Variants in PDE4D observed in about 807,000 individuals in gnomAD.
PDE4D encodes the protein phosphodiesterase 4D.
PDE4D carries 24 observed loss-of-function variants against 87.4 expected under a neutral mutation model. The ratio of observed to expected loss-of-function variants is 0.27; its 90% confidence interval spans 0.20 to 0.39. The LOEUF (loss-of-function observed/expected upper bound fraction) is 0.39, where lower values mean the gene tolerates loss of function less well. Ranked by LOEUF, PDE4D falls within the 10% of genes least tolerant of loss-of-function variation. The pLI, the probability that PDE4D is intolerant of heterozygous loss-of-function variation, is 1.00. For missense variants in PDE4D, 714 were observed against 1,041.0 expected (o/e 0.69, Z 4.32); for synonymous variants, 384 against 383.2 (o/e 1.00, Z -0.02).
intron 2 of PDE4D, among the ~76,000 whole-genome samples, chr5:60,015,824 T>G (rs181413530): frequency 2.6e-5 from 4 of 152,170 alleles, no homozygotes; most frequent in Non-Finnish European, 5.9e-5. Flanking sequence ...TCCTTGGGTC[T>G]TCAGTCTGCT....
chr5:59,351,225 C>T (rs1780485421), intron 1 of PDE4D, among the ~76,000 whole-genome samples: 1 of 152,068 alleles, frequency 6.6e-6, no homozygotes. Flanking sequence ...GGTTAGGAAA[C>T]CTGCCCAATC....
At chr5:59,791,576 T>C (rs769066837) in intron 1 of PDE4D, among the ~76,000 whole-genome samples, 1 of 152,232 alleles carries the variant, frequency 6.6e-6, no homozygotes, top group Non-Finnish European at 1.5e-5. Flanking sequence ...TATTTGACAT[T>C]ATTAACATGG....
At chr5:60,279,791 T>C (rs752346757) in intron 1 of PDE4D, among the ~76,000 whole-genome samples, 3 of 151,856 alleles carry the variant, frequency 2.0e-5, no homozygotes, top group Non-Finnish European at 4.4e-5. Context: ...TTCACATGGT[T>C]CTGCCTCAGC....
chr5:60,063,433 G>C (rs890491878), intron 2 of PDE4D, among the ~76,000 whole-genome samples: 1 of 152,096 alleles, frequency 6.6e-6, no homozygotes, highest in Admixed American at 6.6e-5. Context: ...AACCAGCTTT[G>C]CAAAGATTAT....
At chr5:59,623,312 A>T (rs1460871937) in intron 1 of PDE4D, among the ~76,000 whole-genome samples, 3 of 152,168 alleles carry the variant, frequency 2.0e-5, no homozygotes, top group African/African-American at 7.2e-5. Flanking sequence ...TGTGCTGTTC[A>T]ATATTAGACA....
At chr5:59,711,384 A>G (rs898509184) in intron 1 of PDE4D, among the ~76,000 whole-genome samples, 15 of 152,078 alleles carry the variant, frequency 9.9e-5, no homozygotes, top group South Asian at 2.1e-4. Flanking sequence ...AACAATGTAA[A>G]TTAGCTAAAA....
intron 5 of PDE4D, among the ~76,000 whole-genome samples, chr5:59,071,611 A>G (rs1764810706): frequency 6.7e-6 from 1 of 148,584 alleles, no homozygotes; most frequent in Admixed American, 6.7e-5. Context: ...TGAATACAAT[A>G]TCAAGTGTAT....
At chr5:59,997,942 A>G (rs1763661915) in intron 2 of PDE4D, among the ~76,000 whole-genome samples, 1 of 152,146 alleles carries the variant, frequency 6.6e-6, no homozygotes, top group Admixed American at 6.5e-5. Context: ...AACTGTACAG[A>G]GGTTAGTTTG....
chr5:59,224,113 C>A (rs1273855243), intron 1 of PDE4D, among the ~76,000 whole-genome samples: 2 of 113,598 alleles, frequency 1.8e-5, no homozygotes, highest in Non-Finnish European at 3.4e-5. Context: ...TGATGAAACC[C>A]TGTTTCTACA....
At chr5:60,422,125 A>G (rs776623392) in intron 1 of PDE4D, among the ~76,000 whole-genome samples, 4 of 152,228 alleles carry the variant, frequency 2.6e-5, no homozygotes, top group Non-Finnish European at 2.9e-5. Flanking sequence ...ACTCTGGAGG[A>G]TATTATCCAC....
chr5:59,673,766 T>G (rs1180688989), intron 1 of PDE4D, among the ~76,000 whole-genome samples: 2 of 152,208 alleles, frequency 1.3e-5, no homozygotes, highest in East Asian at 1.9e-4. Flanking sequence ...AAACTTTACC[T>G]AGTTATTTGC....
chr5:60,443,212 C>T (rs995555893), intron 1 of PDE4D, among the ~76,000 whole-genome samples: 1 of 151,966 alleles, frequency 6.6e-6, no homozygotes, highest in African/African-American at 2.4e-5. Context: ...AGAGAAGAAA[C>T]CAGGTAATAA....
At chr5:59,052,303 G>A (rs966275224) in intron 5 of PDE4D, among the ~76,000 whole-genome samples, 15 of 152,168 alleles carry the variant, frequency 9.9e-5, no homozygotes, top group Admixed American at 7.9e-4. Context: ...GAGGGAGTCC[G>A]CTGGCATTGT....
At chr5:59,036,394 TAAAAC>T (rs1758506688) in intron 6 of PDE4D, among the ~76,000 whole-genome samples, 1 of 152,170 alleles carries the variant, frequency 6.6e-6, no homozygotes, top group South Asian at 2.1e-4. Flanking sequence ...TGGATGGTAA[TAAAAC>T]TAACAACTGA....
chr5:59,280,239 A>T (rs952486050), intron 1 of PDE4D, among the ~76,000 whole-genome samples: 1 of 152,088 alleles, frequency 6.6e-6, no homozygotes, highest in Non-Finnish European at 1.5e-5. Flanking sequence ...TCATTAGGCA[A>T]TACTGGTTAA....
intron 2 of PDE4D, among the ~76,000 whole-genome samples, chr5:60,085,396 G>T (rs983656668): frequency 6.6e-6 from 1 of 152,130 alleles, no homozygotes; most frequent in Non-Finnish European, 1.5e-5. Flanking sequence ...CCCCTCTCTT[G>T]TTCCTCACTT....
intron 5 of PDE4D, among the ~76,000 whole-genome samples, chr5:59,081,299 C>T (rs900554733): frequency 6.6e-6 from 1 of 151,918 alleles, no homozygotes; most frequent in Non-Finnish European, 1.5e-5. Context: ...TCGGTTACTG[C>T]CGTTCCTTAT....
At chr5:59,492,394 C>T (rs554675615) in intron 1 of PDE4D, among the ~76,000 whole-genome samples, 1 of 152,294 alleles carries the variant, frequency 6.6e-6, no homozygotes, top group South Asian at 2.1e-4. Flanking sequence ...TGGCACCTGA[C>T]CCAATTTCTA....
rs562021034 is a variant in PDE4D at position 59,554,609 on chromosome 5, T to C, written c.455+338559A>G. ...AAGAGAAGGCTATGATTTCTCACAC[T>C]ATGACTAGCATTTTTCCTTAGGTGT... On this transcript the variant is annotated intron_variant, in intron 1 of 14. Transcript: ENST00000340635. 8.5e-5 allele frequency among the ~76,000 whole-genome samples: 13 copies of C among 152,330 alleles called. No individual in the cohort carries two copies. In the South Asian group the frequency reaches 2.1e-3, roughly 24 times the overall value.
Sources: gnomAD v4.1 joint callset for allele counts (sites outside exome capture counted in the v4.1 genomes callset) on GRCh38, gnomAD v4.1.1 for gene constraint, MANE v1.5 for transcripts, NCBI Gene and HGNC (gene_info 2026-07-23, HGNC 2026-07-21) for gene names.